ANKS1B: variants seen among roughly 807,000 people sequenced by gnomAD.
ANKS1B encodes the protein ankyrin repeat and sterile alpha motif domain-containing protein 1B.
In ANKS1B, 36 loss-of-function variants were observed where a neutral mutation model predicts 148.3. The ratio of observed to expected loss-of-function variants is 0.24; its 90% CI spans 0.19 to 0.32. ANKS1B has a LOEUF of 0.32. Among genes scored for constraint, ANKS1B ranks in the 10% least tolerant of loss-of-function variants. The probability of loss-of-function intolerance (pLI) is 1.00; values close to 1 mark genes in which losing one functional copy is unlikely to be tolerated. For missense variants in ANKS1B, 1,157 were observed against 1,542.6 expected, an observed-to-expected ratio of 0.75 and a Z score of 4.19; for synonymous variants, 542 against 560.8, an observed-to-expected ratio of 0.97 and a Z score of 0.47.
At chr12:99,679,817 A>G (rs2098603819) in intron 8 of ANKS1B, among the ~76,000 whole-genome samples, 1 of 152,222 alleles carries the variant, frequency 6.6e-6, no homozygotes, top group Admixed American at 6.5e-5. Flanking sequence ...TAAATATGGG[A>G]AATGGCAGAC....
At chr12:99,083,879 C>T (rs2050701433) in intron 16 of ANKS1B, 2 of 152,142 alleles carry the variant, frequency 1.3e-5, no homozygotes, top group African/African-American at 4.8e-5. Context: ...CGAGATCGGG[C>T]ACGTTCAGGT....
chr12:98,829,930 G>A lies in ANKS1B; in HGVS notation c.2887-577C>T, dbSNP rs544538463. On this transcript the variant is annotated intron_variant, in intron 18 of 26. Coordinates refer to ENST00000683438, the MANE Select transcript of ANKS1B (RefSeq NM_001352186.2). The surrounding 1 kb of genome is among the most constrained non-coding windows in gnomAD (Gnocchi z 5.2). ...GGTCAGGAGGAAGATAGGGGGCATA[G>A]ACAGCTCAGCTCTACTATTTGCAAG... Among the ~76,000 whole-genome samples the A allele has an allele frequency of 2.6e-5, 4 of 152,330 alleles. No individual in the cohort carries two copies. The East Asian group carries it at 7.7e-4, about 29-fold the overall frequency.
intron 8 of ANKS1B, among the ~76,000 whole-genome samples, chr12:99,684,508 C>T (rs1401000257): frequency 6.6e-6 from 1 of 151,936 alleles, no homozygotes; most frequent in Admixed American, 6.6e-5. Flanking sequence ...ACATCACATG[C>T]TCATGAATGG....
chr12:99,386,850 G>A (rs915154330), intron 12 of ANKS1B, among the ~76,000 whole-genome samples: 2 of 152,152 alleles, frequency 1.3e-5, no homozygotes, highest in Non-Finnish European at 2.9e-5. Context: ...TCATGCTTCC[G>A]AAGAAAGCAA....
chr12:98,989,097 A>G (rs947388654), intron 17 of ANKS1B, among the ~76,000 whole-genome samples: 1 of 152,042 alleles, frequency 6.6e-6, no homozygotes, highest in African/African-American at 2.4e-5. Flanking sequence ...TTTGATTTGC[A>G]GCTGCTTTGT....
At chr12:98,923,403 CA>C (rs2099804045) in intron 17 of ANKS1B, among the ~76,000 whole-genome samples, 1 of 152,170 alleles carries the variant, frequency 6.6e-6, no homozygotes, top group African/African-American at 2.4e-5. Flanking sequence ...CAACATAAAA[CA>C]GACTAAGACA....
chr12:99,222,602 C>T (rs767316234), intron 14 of ANKS1B, among the ~76,000 whole-genome samples: 6 of 152,158 alleles, frequency 3.9e-5, no homozygotes, highest in African/African-American at 7.2e-5. Context: ...CATGACAGAG[C>T]GAGACCCTGT....
intron 9 of ANKS1B, among the ~76,000 whole-genome samples, chr12:99,606,494 G>A (rs570179519): frequency 1.1e-4 from 16 of 151,894 alleles, no homozygotes; most frequent in African/African-American, 3.9e-4. Flanking sequence ...ATTATTTCTA[G>A]AGACATGCAT....
chr12:99,847,489 C>T (rs2086875571), intron 1 of ANKS1B, among the ~76,000 whole-genome samples: 1 of 152,130 alleles, frequency 6.6e-6, no homozygotes, highest in Non-Finnish European at 1.5e-5. Context: ...AGAAGGAGTC[C>T]TGCCCTACAC....
intron 12 of ANKS1B, among the ~76,000 whole-genome samples, chr12:99,355,451 T>C (rs1048163889): frequency 6.6e-6 from 1 of 152,190 alleles, no homozygotes; most frequent in Non-Finnish European, 1.5e-5. Context: ...TTTAATGCCT[T>C]TTTAGTTGTC....
At chr12:99,445,655 C>G (rs1467610669) in intron 10 of ANKS1B, among the ~76,000 whole-genome samples, 1 of 151,904 alleles carries the variant, frequency 6.6e-6, no homozygotes, top group East Asian at 1.9e-4. Context: ...CTAAGAAGTT[C>G]TAAAAATAAA....
intron 17 of ANKS1B, among the ~76,000 whole-genome samples, chr12:98,964,938 C>T (rs2099876537): frequency 6.6e-6 from 1 of 151,658 alleles, no homozygotes; most frequent in Non-Finnish European, 1.5e-5. Context: ...CTATAGTCAA[C>T]AATAATTTAT....
chr12:99,760,924 A>G (rs572916986), intron 8 of ANKS1B, among the ~76,000 whole-genome samples: 73 of 151,632 alleles, frequency 4.8e-4, no homozygotes, highest in Non-Finnish European at 8.7e-4. Context: ...CACCATATAT[A>G]TACAAACTAG....
At chr12:99,472,322 T>C (rs1450489518) in intron 10 of ANKS1B, among the ~76,000 whole-genome samples, 1 of 152,142 alleles carries the variant, frequency 6.6e-6, no homozygotes, top group African/African-American at 2.4e-5. Flanking sequence ...CATTTCTTCA[T>C]ATAAGATCAG....
At chr12:99,906,371 TCCAA>T (rs2093782378) in intron 1 of ANKS1B, among the ~76,000 whole-genome samples, 1 of 152,246 alleles carries the variant, frequency 6.6e-6, no homozygotes, top group Non-Finnish European at 1.5e-5. Context: ...TGTGACTTTG[TCCAA>T]ACAAAGTCTT....
intron 9 of ANKS1B, among the ~76,000 whole-genome samples, chr12:99,527,883 CAAAA>C (rs56298024): frequency 7.2e-6 from 1 of 139,410 alleles, no homozygotes. Flanking sequence ...CATATGGGAC[CAAAA>C]AAAAAAAAAT....
In ANKS1B at chr12:99,442,682, C is replaced by A. The variant is rs953090792; in HGVS notation, c.1575+991G>T. Among the ~76,000 whole-genome samples the A allele has an allele frequency of 4.6e-5, 7 of 151,690 alleles. 1 individual carries two copies. Among genetic ancestry groups the A allele is most frequent in the African/African-American group, 1.7e-4 (7 of 41,302 alleles). ...GCAGTGGCTATCCAAAATTTAAGTG[C>A]CATTTTATCAATGAGGATGAAGATT... On this transcript the variant is annotated intron_variant, in intron 11 of 26. Coordinates refer to ENST00000683438, the MANE Select transcript of ANKS1B (RefSeq NM_001352186.2).
chr12:99,136,721 G>T (rs2068204667), intron 15 of ANKS1B, among the ~76,000 whole-genome samples: 1 of 152,184 alleles, frequency 6.6e-6, no homozygotes, highest in African/African-American at 2.4e-5. Context: ...GAAAGTATTT[G>T]CTTTTGGAGA....
At chr12:98,821,114 G>A (rs970243253) in intron 19 of ANKS1B, among the ~76,000 whole-genome samples, 1 of 152,160 alleles carries the variant, frequency 6.6e-6, no homozygotes, top group Non-Finnish European at 1.5e-5. Flanking sequence ...AGAAAACTAA[G>A]GCTCTGCATA....
Sources: allele counts gnomAD v4.1 joint callset (sites outside exome capture counted in the v4.1 genomes callset), GRCh38; gene constraint gnomAD v4.1.1; non-coding constraint Gnocchi (gnomAD v3.1); transcripts MANE v1.5; gene names NCBI Gene and HGNC (gene_info 2026-07-23, HGNC 2026-07-21).